Variants in NUP107 observed in about 807,000 individuals in gnomAD.
NUP107 encodes nuclear pore complex protein Nup107.
NUP107 carries 101 observed loss-of-function variants against 141.0 expected under a neutral mutation model. The observed-to-expected ratio is 0.72, with a 90% CI of 0.61 to 0.84. NUP107 has a LOEUF of 0.84. NUP107 is among the 40% of genes least tolerant of loss of function. NUP107 has a pLI of 0.00. For synonymous variants in NUP107, 319 were observed against 363.9 expected (o/e 0.88, Z 1.41); for missense variants, 941 against 1,102.7 (o/e 0.85, Z 2.08).
rs529696514 is a variant in NUP107 at position 68,732,942 on chromosome 12, T to C, written c.2101+203T>C. 15 of 400,184 alleles carry C rather than the reference T, an allele frequency of 3.7e-5. No individual in the cohort carries two copies. In the South Asian group the frequency reaches 9.8e-4, roughly 26 times the overall value. The allele number at this position is 400,184 out of a possible 1,614,324, so 24.8% of individuals were successfully genotyped here. The stretch of plus-strand genomic sequence containing the variant: ...AAGCAATCCTCCCACCTCAGCCTCC[T>C]GAAGTGCTGGGATTATAGGCGTGAA... On this transcript the variant is annotated intron_variant, in intron 23 of 27. Transcript: ENST00000229179.
intron 7 of NUP107, among the ~76,000 whole-genome samples, chr12:68,701,750 T>C (rs1876340829): frequency 6.6e-6 from 1 of 152,156 alleles, no homozygotes; most frequent in African/African-American, 2.4e-5. Context: ...GGAAAGATAT[T>C]CATGACATAT....
intron 5 of NUP107, 100 bp downstream of exon 5, chr12:68,692,212 C>T: frequency 8.1e-7 from 1 of 1,236,990 alleles, no homozygotes; most frequent in South Asian, 1.7e-5. Flanking sequence ...TTTTTCTTTT[C>T]TTTCTTTCTG....
At chr12:68,724,918 A>G (rs1238235146) in intron 17 of NUP107, among the ~76,000 whole-genome samples, 1 of 152,200 alleles carries the variant, frequency 6.6e-6, no homozygotes, top group African/African-American at 2.4e-5. Flanking sequence ...TAAATAGATG[A>G]GTGGAACACA....
chr12:68,725,942 TC>T (rs1877547529), intron 18 of NUP107, 146 bp downstream of exon 18: 1 of 552,826 alleles, frequency 1.8e-6, no homozygotes, highest in African/African-American at 2.0e-5. Flanking sequence ...GTTCACAAGA[TC>T]CTTCAGTCTC....
At chr12:68,713,058 A>G (rs1052122804) in intron 10 of NUP107, among the ~76,000 whole-genome samples, 7 of 152,042 alleles carry the variant, frequency 4.6e-5, no homozygotes, top group African/African-American at 1.4e-4. Flanking sequence ...GACTTTATCA[A>G]AATTAAAAAT....
intron 25 of NUP107, 103 bp downstream of exon 25, chr12:68,734,936 G>T: frequency 7.8e-7 from 1 of 1,285,194 alleles, no homozygotes; most frequent in South Asian, 1.5e-5. Flanking sequence ...GATCATAACA[G>T]GTAATCTCCC....
chr12:68,689,214 A>G (rs1875656079), intron 2 of NUP107, among the ~76,000 whole-genome samples, 161 bp downstream of exon 2: 1 of 152,240 alleles, frequency 6.6e-6, no homozygotes, highest in South Asian at 2.1e-4. Flanking sequence ...ATATAATGCA[A>G]AAATTTAATG....
rs1006960969 is a variant in NUP107 at position 68,743,847 on chromosome 12, T to C, written c.*1385T>C. Reference sequence around the variant, plus strand: ...GTTTTATTTCTCTAAAGAATTCATCTTGTCTTCCTGTTTTCTTTATTCTTA... The same window carrying C: ...GTTTTATTTCTCTAAAGAATTCATCCTGTCTTCCTGTTTTCTTTATTCTTA... On this transcript the variant is annotated 3_prime_UTR_variant, in exon 28 of 28. Coordinates refer to ENST00000229179, the MANE Select transcript of NUP107 (RefSeq NM_020401.4). 2 of 152,366 alleles carry C rather than the reference T, an allele frequency of 1.3e-5. No individual in the cohort carries two copies. The highest frequency in any genetic ancestry group is 2.1e-4 in the South Asian group (1 of 4,834). 9.4% of individuals were successfully genotyped at this position (152,366 alleles called of 1,614,324 possible).
At chr12:68,700,897 TA>T in intron 7 of NUP107, 44 bp downstream of exon 7, 1 of 1,483,660 alleles carries the variant, frequency 6.7e-7, no homozygotes, top group African/African-American at 1.4e-5. Flanking sequence ...CATAAGGTAA[TA>T]AACCAACAGG....
intron 8 of NUP107, among the ~76,000 whole-genome samples, chr12:68,705,022 A>G (rs1876512485): frequency 6.6e-6 from 1 of 152,042 alleles, no homozygotes; most frequent in African/African-American, 2.4e-5. Context: ...AGCGAGGACT[A>G]CAGGTGTGTA....
intron 1 of NUP107, among the ~76,000 whole-genome samples, chr12:68,688,182 G>C (rs1875598363): frequency 7.5e-6 from 1 of 133,210 alleles, no homozygotes; most frequent in African/African-American, 2.9e-5. Flanking sequence ...AGAGCTATCT[G>C]AAGGTTTTTT....
At chr12:68,742,100 T>C in intron 27 of NUP107, 120 bp downstream of exon 27, 1 of 873,714 alleles carries the variant, frequency 1.1e-6, no homozygotes, top group South Asian at 2.1e-5. Context: ...AAAGTAATAG[T>C]CCAGTTTTAA....
At chr12:68,709,775 G>C (rs1876760264) in intron 9 of NUP107, among the ~76,000 whole-genome samples, 1 of 151,758 alleles carries the variant, frequency 6.6e-6, no homozygotes, top group South Asian at 2.1e-4. Context: ...TGTAGTCCCA[G>C]CTACTTGGGA....
chr12:68,699,755 G>T (rs1345502895), intron 6 of NUP107, among the ~76,000 whole-genome samples: 2 of 152,134 alleles, frequency 1.3e-5, no homozygotes, highest in African/African-American at 2.4e-5. Flanking sequence ...AGATAATGAG[G>T]TACTGTTAGT....
rs745383609 is a variant in NUP107 at position 68,733,650 on chromosome 12, A to G, written c.2262+38A>G. On this transcript the variant is annotated intron_variant, in intron 24 of 27. Transcript: ENST00000229179. ...AGAAAGCCACAGATGTGCCTACTTC[A>G]TGATGATTTTTCGGATTCACTCTCA... 4.5e-5 allele frequency: 70 copies of G among 1,566,070 alleles called. No individual in the cohort carries two copies. In the East Asian group the frequency reaches 1.4e-3, roughly 30 times the overall value.
intron 5 of NUP107, among the ~76,000 whole-genome samples, chr12:68,694,069 C>CT (rs1190342683): frequency 1.3e-5 from 2 of 152,158 alleles, no homozygotes; most frequent in Non-Finnish European, 2.9e-5. Context: ...AACCACCTGG[C>CT]TAGGAAGTAG....
chr12:68,741,437 C>T (rs1182315222), intron 26 of NUP107, among the ~76,000 whole-genome samples: 1 of 152,146 alleles, frequency 6.6e-6, no homozygotes, highest in Non-Finnish European at 1.5e-5. Context: ...TTTTTCCCAG[C>T]AACAGTCATT....
chr12:68,736,078 T>C (rs1437439159), intron 26 of NUP107, among the ~76,000 whole-genome samples: 2 of 152,214 alleles, frequency 1.3e-5, no homozygotes, highest in Admixed American at 6.5e-5. Context: ...CATTGCAGCC[T>C]GACCCTGGTG....
intron 8 of NUP107, chr12:68,706,814 G>A (rs1276221550): frequency 2.8e-5 from 21 of 758,020 alleles, no homozygotes; most frequent in Admixed American, 1.5e-4. Flanking sequence ...GCTGGAGGAT[G>A]AGGAGAGCCA....
Sources: gnomAD v4.1 joint callset for allele counts (sites outside exome capture counted in the v4.1 genomes callset) on GRCh38, gnomAD v4.1.1 for gene constraint, MANE v1.5 for transcripts, NCBI Gene and HGNC (gene_info 2026-07-23, HGNC 2026-07-21) for gene names.